IFI27L1: variants seen among roughly 807,000 people sequenced by gnomAD.
The protein encoded by IFI27L1 is interferon alpha-inducible protein 27-like protein 1.
A neutral mutation model predicts 9.2 loss-of-function variants in IFI27L1; 3 were observed. The ratio of observed to expected loss-of-function variants is 0.32; its 90% confidence interval spans 0.15 to 0.84. The LOEUF is 0.84. IFI27L1 is among the 40% of genes least tolerant of loss of function. The probability of loss-of-function intolerance (pLI) is 0.56; values close to 1 mark genes in which losing one functional copy is unlikely to be tolerated. For missense variants in IFI27L1, 133 were observed against 134.2 expected (o/e 0.99, Z 0.05); for synonymous variants, 53 against 50.0 (o/e 1.06, Z -0.26).
At chr14:94,083,337 T>C (rs1158405821) in intron 1 of IFI27L1, among the ~76,000 whole-genome samples, 1 of 152,250 alleles carries the variant, frequency 6.6e-6, no homozygotes, top group African/African-American at 2.4e-5. Flanking sequence ...GTGAAGATGC[T>C]GGGAACACTG....
intron 1 of IFI27L1, among the ~76,000 whole-genome samples, chr14:94,093,091 C>G (rs1449784344): frequency 6.6e-6 from 1 of 152,144 alleles, no homozygotes; most frequent in East Asian, 1.9e-4. Flanking sequence ...TACTTTTCCC[C>G]TCAAAATGCC....
At chr14:94,090,490 T>G (rs1025501658) in intron 1 of IFI27L1, among the ~76,000 whole-genome samples, 3 of 152,210 alleles carry the variant, frequency 2.0e-5, no homozygotes, top group African/African-American at 7.2e-5. Context: ...TTGGTGGAAC[T>G]TTGTTCCATG....
chr14:94,089,987 T>G (rs1175131604), intron 1 of IFI27L1, among the ~76,000 whole-genome samples: 1 of 152,134 alleles, frequency 6.6e-6, no homozygotes, highest in Non-Finnish European at 1.5e-5. Context: ...AAACATTGAG[T>G]AAGCTCATCC....
chr14:94,089,505 G>A (rs1333066694), intron 1 of IFI27L1, among the ~76,000 whole-genome samples: 1 of 152,144 alleles, frequency 6.6e-6, no homozygotes, highest in Non-Finnish European at 1.5e-5. Context: ...GATGACCAGA[G>A]GTCACTCTCA....
At chr14:94,092,606 C>A (rs1323071896) in intron 1 of IFI27L1, among the ~76,000 whole-genome samples, 1 of 152,118 alleles carries the variant, frequency 6.6e-6, no homozygotes, top group African/African-American at 2.4e-5. Context: ...CTTTTATAAC[C>A]CTTTACAAAT....
At chr14:94,100,331 G>T (rs1886845856) in intron 2 of IFI27L1, 1 of 985,264 alleles carries the variant, frequency 1.0e-6, no homozygotes, top group African/African-American at 1.7e-5. Context: ...GCTCTTTCTA[G>T]CAGGCCCTGA....
chr14:94,101,746 G>A, intron 3 of IFI27L1, 68 bp from the exon 4 acceptor site: 1 of 1,549,626 alleles, frequency 6.5e-7, no homozygotes, highest in South Asian at 1.1e-5. Flanking sequence ...CATCGCCCCA[G>A]GAGGATGTCA....
chr14:94,098,783 G>A (rs181593673), intron 2 of IFI27L1, among the ~76,000 whole-genome samples: 10 of 152,258 alleles, frequency 6.6e-5, no homozygotes, highest in Admixed American at 5.9e-4. Context: ...GTGGTGTGTC[G>A]TGCCTATACA....
chr14:94,083,817 T>A (rs1252666759), intron 1 of IFI27L1, among the ~76,000 whole-genome samples: 2 of 152,208 alleles, frequency 1.3e-5, no homozygotes, highest in Non-Finnish European at 2.9e-5. Context: ...AAGCCAGGTG[T>A]GGTGGCACAT....
chr14:94,093,517 C>T (rs1431915815), intron 1 of IFI27L1, among the ~76,000 whole-genome samples: 1 of 152,142 alleles, frequency 6.6e-6, no homozygotes, highest in Non-Finnish European at 1.5e-5. Flanking sequence ...GAACATCCCT[C>T]CATCCCACAT....
intron 1 of IFI27L1, among the ~76,000 whole-genome samples, chr14:94,093,110 A>T (rs1886539504): frequency 6.6e-6 from 1 of 151,636 alleles, no homozygotes; most frequent in African/African-American, 2.4e-5. Context: ...CCCTTCTTGG[A>T]GATGTGAGGA....
At position 94,102,467 on chromosome 14, in the gene IFI27L1, T is replaced by A; in HGVS notation, c.224-10T>A. 6.4e-7 allele frequency: 1 copy of A among 1,557,670 alleles called. No homozygotes were observed. The highest frequency in any genetic ancestry group is 8.7e-7 in the Non-Finnish European group (1 of 1,150,872). On this transcript the variant is annotated splice_polypyrimidine_tract_variant and intron_variant, in intron 4 of 4. Transcript: ENST00000555523. ...CCTGTGCCCTGTGCTCACCCTCTCT[T>A]CTCCCCCAGGGGCAGCTGGACTCTC...
At chr14:94,089,384 A>G (rs1405075109) in intron 1 of IFI27L1, 2 of 152,204 alleles carry the variant, frequency 1.3e-5, no homozygotes, top group East Asian at 1.9e-4. Context: ...CTTTCAGACC[A>G]TATAGGGTAA....
intron 1 of IFI27L1, among the ~76,000 whole-genome samples, chr14:94,084,362 C>T (rs1020591884): frequency 6.6e-6 from 1 of 152,108 alleles, no homozygotes; most frequent in Admixed American, 6.6e-5. Flanking sequence ...ATTAACCAGG[C>T]TTGGTGGCAT....
intron 1 of IFI27L1, among the ~76,000 whole-genome samples, chr14:94,095,368 A>C (rs1273078228): frequency 6.6e-6 from 1 of 152,136 alleles, no homozygotes; most frequent in South Asian, 2.1e-4. Flanking sequence ...ATTTCTTTTT[A>C]TGAAATACTC....
intron 2 of IFI27L1, chr14:94,100,178 C>T (rs763308262): frequency 1.5e-5 from 9 of 603,618 alleles, no homozygotes; most frequent in African/African-American, 2.0e-5. Context: ...GGTCAGGAGT[C>T]GTGACAGAGA....
chr14:94,083,636 G>A (rs1475984712), intron 1 of IFI27L1, among the ~76,000 whole-genome samples: 1 of 152,174 alleles, frequency 6.6e-6, no homozygotes, highest in Admixed American at 6.5e-5. Context: ...TATGGCAGAG[G>A]GGGACACAGT....
intron 2 of IFI27L1, among the ~76,000 whole-genome samples, chr14:94,099,761 G>C (rs535724239): frequency 6.6e-6 from 1 of 152,306 alleles, no homozygotes; most frequent in Non-Finnish European, 1.5e-5. Flanking sequence ...GTTAGAGTCA[G>C]AAAACTGGAA....
intron 1 of IFI27L1, among the ~76,000 whole-genome samples, chr14:94,088,874 CTT>C (rs563649144): frequency 6.9e-4 from 105 of 152,264 alleles, no homozygotes; most frequent in Middle Eastern, 3.4e-3. Context: ...GGAAAACTCT[CTT>C]TGAGTTGGGG....
Sources: gnomAD v4.1 joint callset for allele counts (sites outside exome capture counted in the v4.1 genomes callset) on GRCh38, gnomAD v4.1.1 for gene constraint, MANE v1.5 for transcripts, NCBI Gene and HGNC (gene_info 2026-07-23, HGNC 2026-07-21) for gene names.